Variants in ADK observed in about 807,000 individuals in gnomAD.
The protein encoded by ADK is adenosine kinase, also known as N6,N6-dimethyladenosine kinase.
Under a neutral mutation model 44.7 loss-of-function variants are expected in ADK, and 24 were observed. The observed-to-expected ratio is 0.54, with a 90% CI of 0.39 to 0.76. The LOEUF (loss-of-function observed/expected upper bound fraction) is 0.76, where lower values mean the gene tolerates loss of function less well. Ranked by LOEUF, ADK falls within the 30% of genes least tolerant of loss-of-function variation. The probability of loss-of-function intolerance (pLI) is 0.00; values close to 1 mark genes in which losing one functional copy is unlikely to be tolerated. For synonymous variants in ADK, 128 were observed against 142.6 expected (o/e 0.90, Z 0.73); for missense variants, 321 against 425.1 (o/e 0.76, Z 2.15).
intron 6 of ADK, among the ~76,000 whole-genome samples, chr10:74,476,291 CGA>C (rs1402924386): frequency 6.6e-6 from 1 of 151,936 alleles, no homozygotes; most frequent in East Asian, 1.9e-4. Context: ...GTCGGGAGTT[CGA>C]GAGCAGCCTT....
In ADK at chr10:74,560,136, C is replaced by T. The variant is rs140132438; in HGVS notation, c.727-29146C>T. Among the ~76,000 whole-genome samples, 782 of 152,232 alleles carry T rather than the reference C, an allele frequency of 5.1e-3. 2 individuals carry two copies. The highest frequency in any genetic ancestry group is 0.014 in the Middle Eastern group (4 of 294). On this transcript the variant is annotated intron_variant, in intron 7 of 10. Transcript: ENST00000539909. The stretch of plus-strand genomic sequence containing the variant: ...AAGGACCTATGTTGCCCAGACTAGT[C>T]TCAATCTCCTGAGCTCAAGTGATCC...
intron 10 of ADK, among the ~76,000 whole-genome samples, chr10:74,687,726 A>G (rs529480825): frequency 2.1e-4 from 32 of 152,260 alleles, no homozygotes; most frequent in African/African-American, 7.5e-4. Flanking sequence ...GAGTCCTTCC[A>G]TTCCCTCTCT....
chr10:74,674,178 A>G (rs972193470), intron 10 of ADK, among the ~76,000 whole-genome samples: 1 of 152,160 alleles, frequency 6.6e-6, no homozygotes, highest in Admixed American at 6.5e-5. Context: ...CTGCCCAGAA[A>G]TTTGCCTGCC....
At chr10:74,355,126 C>T (rs1356867574) in intron 4 of ADK, among the ~76,000 whole-genome samples, 2 of 152,146 alleles carry the variant, frequency 1.3e-5, no homozygotes. Flanking sequence ...TGCACCTGCT[C>T]TTTTCTAGTT....
Position 74,679,308 on chromosome 10 carries a change from C to G in ADK, c.964+9039C>G, listed in dbSNP as rs559187434. Reference sequence around the variant, plus strand: ...GTATCAAAATGTAAAAAGGCAGGGGCAAGAAAGTAAATTTCCATAAAACTA... The same window carrying G: ...GTATCAAAATGTAAAAAGGCAGGGGGAAGAAAGTAAATTTCCATAAAACTA... On this transcript the variant is annotated intron_variant, in intron 10 of 10. Coordinates refer to ENST00000539909, the MANE Select transcript of ADK (RefSeq NM_006721.4). Among the ~76,000 whole-genome samples, 4 of 152,248 alleles carry G rather than the reference C, an allele frequency of 2.6e-5. No individual in the cohort carries two copies. In the East Asian group the frequency reaches 7.7e-4, roughly 29 times the overall value.
chr10:74,704,789 C>G (rs1856542292), intron 10 of ADK, among the ~76,000 whole-genome samples: 1 of 152,310 alleles, frequency 6.6e-6, no homozygotes, highest in East Asian at 1.9e-4. Context: ...TATAAGGCGT[C>G]TAATAGACAT....
intron 9 of ADK, among the ~76,000 whole-genome samples, chr10:74,663,245 AAT>A (rs371869255): frequency 0.57 from 72,622 of 128,510 alleles, 19,737 homozygotes; most frequent in Middle Eastern, 0.67. Flanking sequence ...AAAAAAAAAA[AAT>A]AATATATATA....
intron 6 of ADK, among the ~76,000 whole-genome samples, chr10:74,522,386 G>A (rs1173037111): frequency 1.3e-5 from 2 of 152,134 alleles, no homozygotes; most frequent in Admixed American, 6.5e-5. Context: ...ACAGAAAGGT[G>A]GGAGAAGGTC....
chr10:74,329,927 C>G (rs374224385), intron 4 of ADK, among the ~76,000 whole-genome samples: 162 of 152,052 alleles, frequency 1.1e-3, no homozygotes, highest in Middle Eastern at 3.4e-3. Flanking sequence ...TTTGAGAAGC[C>G]AAGGCCAGAG....
Position 74,357,366 on chromosome 10 carries a change from C to T in ADK, c.274-36775C>T, listed in dbSNP as rs1048464210. 3.3e-5 allele frequency among the ~76,000 whole-genome samples: 5 copies of T among 151,744 alleles called. No homozygotes were observed. The East Asian group carries it at 5.8e-4, about 18-fold the overall frequency. On this transcript the variant is annotated intron_variant, in intron 4 of 10. Coordinates refer to ENST00000539909, the MANE Select transcript of ADK (RefSeq NM_006721.4). ...TGTTACCCAGTCTGGTGTGCAGTGGCGCAAGGCTCATTTCAGCCTTCGAAC... is the reference window on the plus strand; with the variant it reads ...TGTTACCCAGTCTGGTGTGCAGTGGTGCAAGGCTCATTTCAGCCTTCGAAC...
At chr10:74,313,135 C>T (rs1840501907) in intron 3 of ADK, among the ~76,000 whole-genome samples, 2 of 151,908 alleles carry the variant, frequency 1.3e-5, no homozygotes, top group African/African-American at 4.8e-5. Flanking sequence ...ATGACTTCAA[C>T]AATATATTTA....
chr10:74,403,411 C>T (rs989250043), intron 6 of ADK, among the ~76,000 whole-genome samples: 9 of 152,238 alleles, frequency 5.9e-5, no homozygotes, highest in South Asian at 2.1e-4. Context: ...GCTTCCTGGC[C>T]GCTTTGTTTA....
At position 74,215,470 on chromosome 10, in the gene ADK, C is replaced by T. The variant is rs556244010; in HGVS notation, c.141-9068C>T. On this transcript the variant is annotated intron_variant, in intron 2 of 10. Coordinates refer to ENST00000539909, the MANE Select transcript of ADK (RefSeq NM_006721.4). ...GGACCACAGGCGCCTGCCACCACGC[C>T]TGGCTAATTTTTGTATTTTTAGTAG... is the stretch of plus-strand genomic sequence containing the variant. Among the ~76,000 whole-genome samples the T allele has an allele frequency of 3.0e-3, 460 of 151,616 alleles. 5 individuals are homozygous for T. The highest frequency in any genetic ancestry group is 0.011 in the African/African-American group (440 of 41,310).
chr10:74,520,812 GTGT>G (rs1848793594), intron 6 of ADK, among the ~76,000 whole-genome samples: 1 of 151,946 alleles, frequency 6.6e-6, no homozygotes, highest in Non-Finnish European at 1.5e-5. Flanking sequence ...CTACCACTTT[GTGT>G]TGTTTTGTTT....
At chr10:74,469,538 A>T (rs752227519) in intron 6 of ADK, among the ~76,000 whole-genome samples, 9 of 151,894 alleles carry the variant, frequency 5.9e-5, no homozygotes, top group Admixed American at 1.3e-4. Flanking sequence ...CATTTTAAAA[A>T]TTTTTTGTAG....
intron 10 of ADK, among the ~76,000 whole-genome samples, chr10:74,698,498 G>C (rs528585575): frequency 6.6e-6 from 1 of 152,274 alleles, no homozygotes; most frequent in South Asian, 2.1e-4. Context: ...TTAATATTTT[G>C]CTTTTTGGAC....
chr10:74,263,480 A>G (rs1846113334), intron 3 of ADK, among the ~76,000 whole-genome samples: 1 of 152,238 alleles, frequency 6.6e-6, no homozygotes, highest in African/African-American at 2.4e-5. Flanking sequence ...AGAACAAACT[A>G]GCAGTACTAA....
intron 4 of ADK, among the ~76,000 whole-genome samples, chr10:74,363,977 C>T (rs1311572031): frequency 6.6e-6 from 1 of 152,192 alleles, no homozygotes; most frequent in African/African-American, 2.4e-5. Context: ...GGATCTGTGG[C>T]ATGGAGTCTG....
At chr10:74,296,228 T>TTAC (rs1368559640) in intron 3 of ADK, among the ~76,000 whole-genome samples, 7 of 152,182 alleles carry the variant, frequency 4.6e-5, no homozygotes, top group African/African-American at 1.7e-4. Context: ...AGAAGACAAA[T>TTAC]TACAAACTTG....
Sources: gnomAD v4.1 joint callset for allele counts (sites outside exome capture counted in the v4.1 genomes callset) on GRCh38, gnomAD v4.1.1 for gene constraint, MANE v1.5 for transcripts, NCBI Gene and HGNC (gene_info 2026-07-23, HGNC 2026-07-21) for gene names.